CELF2: variants seen among roughly 807,000 people sequenced by gnomAD.
CELF2 encodes the protein CUG triplet repeat RNA-binding protein 2.
A neutral mutation model predicts 62.6 loss-of-function variants in CELF2; 8 were observed. The ratio of observed to expected loss-of-function variants is 0.13; its 90% CI spans 0.07 to 0.23. The LOEUF (loss-of-function observed/expected upper bound fraction) is 0.23. Among genes scored for constraint, CELF2 ranks in the 10% least tolerant of loss-of-function variants. The pLI is 1.00. For missense variants in CELF2, 333 were observed against 671.0 expected, an observed-to-expected ratio of 0.50 and a Z score of 5.56; for synonymous variants, 258 against 250.0, an observed-to-expected ratio of 1.03 and a Z score of -0.30.
chr10:11,087,063 C>G (rs945839801), intron 1 of CELF2, among the ~76,000 whole-genome samples: 3 of 152,144 alleles, frequency 2.0e-5, no homozygotes, highest in African/African-American at 7.2e-5. Flanking sequence ...TAGTTCCAGT[C>G]TCTAGATGGT....
At chr10:10,698,911 G>T in the CELF2 span, among the ~76,000 whole-genome samples, 3 of 152,054 alleles carry the variant, frequency 2.0e-5, no homozygotes, top group Non-Finnish European at 4.4e-5. Flanking sequence ...AAACTAGCTT[G>T]CAGTGTGGCT....
the CELF2 span, among the ~76,000 whole-genome samples, chr10:10,720,940 G>T: frequency 3.9e-5 from 6 of 152,184 alleles, no homozygotes; most frequent in Admixed American, 3.9e-4. Context: ...GCAAATCCTA[G>T]AACTATCATT....
chr10:10,527,859 T>A, the CELF2 span, among the ~76,000 whole-genome samples: 2 of 152,258 alleles, frequency 1.3e-5, no homozygotes, highest in Admixed American at 1.3e-4. Flanking sequence ...AGACTGACAC[T>A]GTGTATAATT....
chr10:10,603,626 C>T, the CELF2 span, among the ~76,000 whole-genome samples: 1 of 152,088 alleles, frequency 6.6e-6, no homozygotes, highest in East Asian at 1.9e-4. Flanking sequence ...GAATATTTTA[C>T]GTTAAAAAAT....
chr10:10,725,873 GT>G, the CELF2 span, among the ~76,000 whole-genome samples: 9 of 149,792 alleles, frequency 6.0e-5, no homozygotes, highest in Admixed American at 5.3e-4. Flanking sequence ...GCTGGTTTTA[GT>G]TTTTTTAGAG....
the CELF2 span, among the ~76,000 whole-genome samples, chr10:10,528,959 A>G: frequency 6.6e-6 from 1 of 152,230 alleles, no homozygotes; most frequent in Non-Finnish European, 1.5e-5. Flanking sequence ...GCTATGTAAA[A>G]AGCAGCTCTT....
intron 8 of CELF2, among the ~76,000 whole-genome samples, chr10:11,281,737 C>T (rs2088874106): frequency 6.6e-6 from 1 of 152,164 alleles, no homozygotes; most frequent in African/African-American, 2.4e-5. Context: ...GAGCAAGACC[C>T]TGTCTCAAAA....
At chr10:11,231,481 T>A (rs1275010404) in intron 3 of CELF2, among the ~76,000 whole-genome samples, 7 of 152,054 alleles carry the variant, frequency 4.6e-5, no homozygotes, top group Non-Finnish European at 8.8e-5. Flanking sequence ...GGAGACAAGC[T>A]AGGGTATCAT....
At chr10:10,491,849 A>G in the CELF2 span, among the ~76,000 whole-genome samples, 38 of 152,136 alleles carry the variant, frequency 2.5e-4, 1 homozygote, top group Admixed American at 2.5e-3. Context: ...TTTTAACTGC[A>G]TTTGTTGTTA....
intron 1 of CELF2, among the ~76,000 whole-genome samples, chr10:11,105,019 T>C (rs2053003251): frequency 6.6e-6 from 1 of 152,238 alleles, no homozygotes; most frequent in East Asian, 1.9e-4. Flanking sequence ...TCAGCTGCGA[T>C]GTAGTTTGGC....
At chr10:10,794,687 G>A (rs184215664), upstream of CELF2, 3 of 152,158 alleles carry the variant, frequency 2.0e-5, no homozygotes, top group Admixed American at 6.5e-5. Context: ...TAAATGGTTG[G>A]CTTTACTTAC....
chr10:11,121,934 A>C (rs2057836089), intron 1 of CELF2, among the ~76,000 whole-genome samples: 1 of 152,150 alleles, frequency 6.6e-6, no homozygotes, highest in Non-Finnish European at 1.5e-5. Flanking sequence ...GGCTCAGTGC[A>C]GACTGATGAG....
chr10:10,679,703 A>C, the CELF2 span, among the ~76,000 whole-genome samples: 1 of 152,220 alleles, frequency 6.6e-6, no homozygotes, highest in South Asian at 2.1e-4. Context: ...TTATCAACAC[A>C]ATATTGACAT....
the CELF2 span, among the ~76,000 whole-genome samples, chr10:10,563,859 T>C: frequency 1.3e-5 from 2 of 152,234 alleles, no homozygotes; most frequent in East Asian, 3.9e-4. Flanking sequence ...TAAGTTGCCT[T>C]AAAAATAGTT....
chr10:10,557,465 T>C, the CELF2 span, among the ~76,000 whole-genome samples: 1 of 138,320 alleles, frequency 7.2e-6, no homozygotes, highest in African/African-American at 2.9e-5. Context: ...AGTCAGGTAG[T>C]GTGATGCCTC....
At chr10:10,622,586 T>C in the CELF2 span, among the ~76,000 whole-genome samples, 1 of 151,682 alleles carries the variant, frequency 6.6e-6, no homozygotes, top group Admixed American at 6.6e-5. Context: ...GCCCAGGAGG[T>C]AGAGGCTACT....
the CELF2 span, among the ~76,000 whole-genome samples, chr10:10,691,684 T>C: frequency 2.0e-5 from 3 of 148,304 alleles, no homozygotes; most frequent in Admixed American, 6.7e-5. Context: ...TCCTGACTTT[T>C]TAATGATAGC....
chr10:10,894,226 G>A (rs975273192), intron 1 of CELF2, among the ~76,000 whole-genome samples: 1 of 152,212 alleles, frequency 6.6e-6, no homozygotes, highest in African/African-American at 2.4e-5. Flanking sequence ...TTGAAGTGCA[G>A]AGAGGAGGTA....
chr10:11,212,775 C>CTTTTTT (rs2062241745), intron 2 of CELF2, among the ~76,000 whole-genome samples: 1 of 105,102 alleles, frequency 9.5e-6, no homozygotes, highest in African/African-American at 3.5e-5. Flanking sequence ...AGGACCAAAG[C>CTTTTTT]TTTTATTATT....
Sources: allele counts gnomAD v4.1 joint callset (sites outside exome capture counted in the v4.1 genomes callset), GRCh38; gene constraint gnomAD v4.1.1; transcripts MANE v1.5; gene names NCBI Gene and HGNC (gene_info 2026-07-23, HGNC 2026-07-21).